SELE: variants seen among roughly 807,000 people sequenced by gnomAD.
SELE encodes selectin E.
SELE carries 52 observed loss-of-function variants against 75.8 expected under a neutral mutation model. That is an observed-to-expected ratio of 0.69 (90% confidence interval 0.55 to 0.86). The LOEUF is 0.86. SELE is among the 40% of genes least tolerant of loss of function. The pLI is 0.00. For missense variants in SELE, 754 were observed against 732.7 expected (o/e 1.03, Z -0.34); for synonymous variants, 285 against 258.7 (o/e 1.10, Z -0.98).
At chr1:169,729,907 T>C (rs1199349825) in intron 5 of SELE, among the ~76,000 whole-genome samples, 1 of 152,182 alleles carries the variant, frequency 6.6e-6, no homozygotes, top group Non-Finnish European at 1.5e-5. Flanking sequence ...ATCTATGTTA[T>C]CATTTACGTG....
rs2101994646 is a variant in SELE at position 169,733,660 on chromosome 1, C to T, written c.-48G>A. On this transcript the variant is annotated splice_region_variant and 5_prime_UTR_variant, in exon 2 of 14. Coordinates refer to ENST00000333360, the MANE Select transcript of SELE (RefSeq NM_000450.2). ...CAAAGGTTTAGGCTTGAAATACTTT[C>T]CTGGGGAGATAAAACACAAAATGAA... is the stretch of plus-strand genomic sequence containing the variant. 1 of 1,570,450 alleles carries T rather than the reference C, an allele frequency of 6.4e-7. No homozygotes were observed.
At chr1:169,731,641 G>T in intron 4 of SELE, 194 bp downstream of exon 4, 2 of 513,048 alleles carry the variant, frequency 3.9e-6, no homozygotes, top group South Asian at 4.7e-5. Flanking sequence ...TCTTGTCAAG[G>T]TGCCAAAATA....
chr1:169,725,541 A>G (rs913533132), intron 13 of SELE, among the ~76,000 whole-genome samples, 188 bp downstream of exon 13: 3 of 152,170 alleles, frequency 2.0e-5, no homozygotes, highest in Non-Finnish European at 2.9e-5. Context: ...AAATTACACA[A>G]TAAAGCTAGA....
chr1:169,729,689 A>T lies in SELE; in HGVS notation c.716-16T>A. ...CACTCAACCACTGAGGATTTTAAAGAGCACCATGAATTTTACAGAAGAATG... is the reference window on the plus strand; with the variant it reads ...CACTCAACCACTGAGGATTTTAAAGTGCACCATGAATTTTACAGAAGAATG... On this transcript the variant is annotated splice_polypyrimidine_tract_variant and intron_variant, in intron 5 of 13. Coordinates refer to ENST00000333360, the MANE Select transcript of SELE (RefSeq NM_000450.2). 1 of 1,611,932 alleles carries T rather than the reference A, an allele frequency of 6.2e-7. No individual in the cohort carries two copies.
chr1:169,730,444 G>A lies in SELE; in HGVS notation c.703C>T (p.Pro235Ser), dbSNP rs1262784942. The part of the protein sequence containing the change: ...MSSGEWSAPI[P>S]ACNVVECDAV... ...CAGAGGGATTTACCATTGCAGGCTG[G>A]AATAGGAGCACTCCATTCTCCAGAG... Residue 235 changes from proline (P) to serine (S), a missense_variant, in exon 5 of 14, where the codon CCA becomes TCA. By Grantham distance (74) the Pro-to-Ser change is moderately conservative. Transcript: ENST00000333360. The A allele has an allele frequency of 1.3e-6, 2 of 1,599,922 alleles. No homozygotes were observed. The highest frequency in any genetic ancestry group is 1.7e-6 in the Non-Finnish European group (2 of 1,170,676).
chr1:169,732,977 C>A lies in SELE; in HGVS notation c.59G>T (p.Gly20Val). ...LTLVLLIKES[G>V]AWSYNTSTEA... ...CGTGGAGGTGTTGTAAGACCAGGCT[C>A]CACTCTCTTTAATGAGAAGCACTAG... The change falls in exon 3 of 14, where the codon GGA (glycine) becomes GTA (valine). Residue 20 changes from glycine (G) to valine (V), a missense_variant. Coordinates refer to ENST00000333360, the MANE Select transcript of SELE (RefSeq NM_000450.2). The A allele has an allele frequency of 6.3e-7, 1 of 1,598,412 alleles. No homozygotes were observed. Among genetic ancestry groups the A allele is most frequent in the South Asian group, 1.1e-5 (1 of 87,882 alleles).
At chr1:169,733,874 A>C in intron 1 of SELE, 97 bp downstream of exon 1, 1 of 531,476 alleles carries the variant, frequency 1.9e-6, no homozygotes, top group Non-Finnish European at 3.4e-6. Context: ...GCTACAATAC[A>C]ATAAGAGCTT....
intron 9 of SELE, 86 bp from the exon 10 acceptor site, chr1:169,727,611 A>G (rs1175000682): frequency 1.3e-6 from 2 of 1,554,860 alleles, no homozygotes; most frequent in Non-Finnish European, 8.7e-7. Flanking sequence ...CAATGAATGT[A>G]AAGTGTAAGC....
In SELE at chr1:169,732,691, G is replaced by A. The variant is rs768457616; in HGVS notation, c.345C>T (p.Tyr115=). Residue 115 remains tyrosine (Y), a synonymous_variant, in exon 3 of 14, where the codon TAC becomes TAT. Coordinates refer to ENST00000333360, the MANE Select transcript of SELE (RefSeq NM_000450.2). ...RQKDEDCVEI[Y]IKREKDVGMW... ...TGCCCACATCTTTTTCTCTCTTGAT[G>A]TAGATCTCCACGCAGTCCTCATCTT... is the stretch of plus-strand genomic sequence containing the variant. 5 of 1,613,670 alleles carry A rather than the reference G, an allele frequency of 3.1e-6. No homozygotes were observed. Among genetic ancestry groups the A allele is most frequent in the African/African-American group, 2.7e-5 (2 of 74,838 alleles).
intron 5 of SELE, 57 bp from the exon 6 acceptor site, chr1:169,729,730 A>C: frequency 6.4e-7 from 1 of 1,561,704 alleles, no homozygotes; most frequent in Non-Finnish European, 8.8e-7. Flanking sequence ...TTCACTTCCT[A>C]TTGAGCTGGG....
Position 169,733,979 on chromosome 1 carries a change from G to A in SELE, c.-57C>T, listed in dbSNP as rs1315797160. ...AAGCGTTCTGCACTTACCGTTTTGG[G>A]AAGCAGTTGTTCAAACACAGGATCT... On this transcript the variant is annotated 5_prime_UTR_variant, in exon 1 of 14. Transcript: ENST00000333360. 4.5e-6 allele frequency: 1 copy of A among 221,200 alleles called. No homozygotes were observed. Among genetic ancestry groups the A allele is most frequent in the Non-Finnish European group, 9.0e-6 (1 of 110,950 alleles). 13.7% of individuals were successfully genotyped at this position (221,200 alleles called of 1,614,324 possible). A position where few individuals can be genotyped will look rare whatever the true frequency, so the allele number is the denominator to read the frequency against.
In SELE at chr1:169,727,691, T is replaced by C. The variant is rs542779927; in HGVS notation, c.1468+48A>G. 16 of 1,579,294 alleles carry C rather than the reference T, an allele frequency of 1.0e-5. No homozygotes were observed. The South Asian group carries it at 1.7e-4, about 17-fold the overall frequency. On this transcript the variant is annotated intron_variant, in intron 9 of 13. Coordinates refer to ENST00000333360, the MANE Select transcript of SELE (RefSeq NM_000450.2). ...TGGGGCAATCTAGGTTCAGAAACTT[T>C]ATGAAGTATTTGACCTGTACCCTAA...
At position 169,733,959 on chromosome 1, in the gene SELE, T is replaced by C. The variant is rs1380814159; in HGVS notation, c.-49+12A>G. The C allele has an allele frequency of 1.8e-5, 5 of 274,020 alleles. No homozygotes were observed. The highest frequency in any genetic ancestry group is 4.9e-5 in the Admixed American group (1 of 20,256). The allele number at this position is 274,020 out of a possible 1,614,324, so 17.0% of individuals were successfully genotyped here. On this transcript the variant is annotated intron_variant, in intron 1 of 13. Transcript: ENST00000333360. Reference sequence around the variant, plus strand: ...GGCCCGAGGCTGCCCTTATAAAGCGTTCTGCACTTACCGTTTTGGGAAGCA... The same window carrying C: ...GGCCCGAGGCTGCCCTTATAAAGCGCTCTGCACTTACCGTTTTGGGAAGCA...
Position 169,729,353 on chromosome 1 carries a change from C to T in SELE, c.923G>A (p.Arg308His), listed in dbSNP as rs778564929. Residue 308 changes from arginine (R) to histidine (H), a missense_variant, in exon 7 of 14, where the codon CGC becomes CAC. Physicochemically the swap from Arg to His is conservative, Grantham distance 29. Coordinates refer to ENST00000333360, the MANE Select transcript of SELE (RefSeq NM_000450.2). Reference protein sequence around the residue: ...TCKAVTCRAVRQPQNGSVRCS... With the variant: ...TCKAVTCRAVHQPQNGSVRCS... ...CCTCACAGAGCCATTCTGAGGCTGG[C>T]GGACGGCCCTGCATGTCACAGCTGT... 5.6e-6 allele frequency: 9 copies of T among 1,612,388 alleles called. No individual in the cohort carries two copies. Among genetic ancestry groups the T allele is most frequent in the South Asian group, 2.2e-5 (2 of 91,026 alleles).
In SELE at chr1:169,730,598, C is replaced by T. The variant is rs1268679027; in HGVS notation, c.549G>A (p.Leu183=). Residue 183 remains leucine (L), a synonymous_variant, in exon 5 of 14, where the codon CTG becomes CTA. Coordinates refer to ENST00000333360, the MANE Select transcript of SELE (RefSeq NM_000450.2). The part of the protein sequence containing the change: ...KCEQIVNCTA[L]ESPEHGSLVC... ...CCAGGCTTCCATGCTCAGGGGATTC[C>T]AGGGCTGTACAGTTCACAACTGAAA... 3 of 1,613,332 alleles carry T rather than the reference C, an allele frequency of 1.9e-6. No homozygotes were observed. The South Asian group carries it at 3.3e-5, about 18-fold the overall frequency.
At chr1:169,732,310 C>T (rs1024745534) in intron 3 of SELE, among the ~76,000 whole-genome samples, 21 of 148,434 alleles carry the variant, frequency 1.4e-4, no homozygotes, top group African/African-American at 5.0e-4. Context: ...TATACATACA[C>T]ACATATATGT....
Position 169,729,851 on chromosome 1 carries a change from T to G in SELE, c.716-178A>C, listed in dbSNP as rs138602912. ...AAGCTTTTATTCTTTTTCATGGATA[T>G]TCTATCTTTTCTGATTTCCACTTTG... On this transcript the variant is annotated intron_variant, in intron 5 of 13. Coordinates refer to ENST00000333360, the MANE Select transcript of SELE (RefSeq NM_000450.2). 1.7e-4 allele frequency among the ~76,000 whole-genome samples: 26 copies of G among 152,322 alleles called. No homozygotes were observed. In the East Asian group the frequency reaches 4.4e-3, roughly 26 times the overall value.
At chr1:169,731,998 C>A in intron 3 of SELE, 56 bp from the exon 4 acceptor site, 5 of 1,145,294 alleles carry the variant, frequency 4.4e-6, no homozygotes, top group Non-Finnish European at 6.5e-6. Flanking sequence ...ATACTGAGTG[C>A]CTTTGATTTT....
intron 3 of SELE, among the ~76,000 whole-genome samples, chr1:169,732,279 T>C (rs574179652): frequency 2.7e-5 from 4 of 148,268 alleles, no homozygotes; most frequent in African/African-American, 7.4e-5. Flanking sequence ...TTGCCTACAG[T>C]ATTTATATAT....
Sources: gnomAD v4.1 joint callset for allele counts (sites outside exome capture counted in the v4.1 genomes callset) on GRCh38, gnomAD v4.1.1 for gene constraint, MANE v1.5 for transcripts, NCBI Gene and HGNC (gene_info 2026-07-23, HGNC 2026-07-21) for gene names.